ADAMTS12: variants seen among roughly 807,000 people sequenced by gnomAD.
ADAMTS12 encodes the protein ADAM metallopeptidase with thrombospondin type 1 motif 12.
Under a neutral mutation model 167.8 loss-of-function variants are expected in ADAMTS12, and 118 were observed. The ratio of observed to expected loss-of-function variants is 0.70; its 90% CI spans 0.61 to 0.82. The LOEUF (loss-of-function observed/expected upper bound fraction) is 0.82, where lower values mean the gene tolerates loss of function less well. Among genes scored for constraint, ADAMTS12 ranks in the 40% least tolerant of loss-of-function variants. The pLI, the probability that ADAMTS12 is intolerant of heterozygous loss-of-function variation, is 0.00. For synonymous variants in ADAMTS12, 704 were observed against 716.9 expected, an observed-to-expected ratio of 0.98 and a Z score of 0.29; for missense variants, 1,916 against 1,998.8, an observed-to-expected ratio of 0.96 and a Z score of 0.79.
At chr5:33,642,043 C>A in intron 10 of ADAMTS12, 88 bp from the exon 11 acceptor site, 1 of 1,334,564 alleles carries the variant, frequency 7.5e-7, no homozygotes, top group South Asian at 1.8e-5. Context: ...AAACCCAATT[C>A]TCTGCAAGCA....
At chr5:33,813,501 C>G (rs561788741) in intron 2 of ADAMTS12, among the ~76,000 whole-genome samples, 35 of 152,220 alleles carry the variant, frequency 2.3e-4, no homozygotes, top group African/African-American at 7.9e-4. Flanking sequence ...ATTTCTCCAC[C>G]CCGCTGAATC....
intron 1 of ADAMTS12, among the ~76,000 whole-genome samples, chr5:33,881,690 G>A (rs553072682): frequency 2.0e-5 from 3 of 150,580 alleles, no homozygotes; most frequent in African/African-American, 7.3e-5. Flanking sequence ...AGCCTCCTGA[G>A]TATCTGGGAT....
intron 2 of ADAMTS12, among the ~76,000 whole-genome samples, chr5:33,785,311 T>A (rs1268423414): frequency 6.6e-6 from 1 of 151,134 alleles, no homozygotes; most frequent in Non-Finnish European, 1.5e-5. Context: ...AAAAAAAAAA[T>A]GATAAATTGA....
At chr5:33,691,247 T>C (rs1561216943) in intron 3 of ADAMTS12, among the ~76,000 whole-genome samples, 1 of 152,220 alleles carries the variant, frequency 6.6e-6, no homozygotes, top group African/African-American at 2.4e-5. Flanking sequence ...GGAAATTTAG[T>C]ACATGTTTAC....
intron 3 of ADAMTS12, among the ~76,000 whole-genome samples, chr5:33,729,854 C>A (rs143685340): frequency 4.9e-4 from 75 of 152,316 alleles, no homozygotes; most frequent in African/African-American, 1.7e-3. Flanking sequence ...GGCTTTAGAG[C>A]AAGAGGGTTG....
At chr5:33,782,839 T>C (rs891946587) in intron 2 of ADAMTS12, among the ~76,000 whole-genome samples, 2 of 152,100 alleles carry the variant, frequency 1.3e-5, no homozygotes, top group African/African-American at 4.8e-5. Context: ...TATTGCTTCA[T>C]ATCTCAATAT....
Position 33,561,124 on chromosome 5 carries a change from T to C in ADAMTS12, c.4028A>G (p.Gln1343Arg). ...AYWRRVECST[Q>R]MDSDCAAIQR... ...GATGGCCGCACAGTCAGAATCCATC[T>C]GGGTGCTGCACTCCACCCTTCTCCA... The change falls in exon 20 of 24, where the codon CAG (glutamine) becomes CGG (arginine). Residue 1343 changes from glutamine (Q) to arginine (R), a missense_variant. By Grantham distance (43) the Gln-to-Arg change is conservative. Coordinates refer to ENST00000504830, the MANE Select transcript of ADAMTS12 (RefSeq NM_030955.4). The C allele has an allele frequency of 6.2e-7, 1 of 1,614,174 alleles. No homozygotes were observed. The highest frequency in any genetic ancestry group is 8.5e-7 in the Non-Finnish European group (1 of 1,180,004).
chr5:33,668,669 A>G (rs1487622327), intron 5 of ADAMTS12, among the ~76,000 whole-genome samples: 2 of 152,148 alleles, frequency 1.3e-5, no homozygotes, highest in African/African-American at 2.4e-5. Context: ...TTTTCGGTAG[A>G]GACGGGGTTT....
intron 2 of ADAMTS12, among the ~76,000 whole-genome samples, chr5:33,806,760 C>T (rs1305319089): frequency 3.9e-5 from 6 of 152,150 alleles, no homozygotes; most frequent in African/African-American, 7.2e-5. Flanking sequence ...TTTAAGAAAA[C>T]GAATACTGTC....
At chr5:33,571,866 A>G (rs1183937327) in intron 19 of ADAMTS12, among the ~76,000 whole-genome samples, 5 of 152,032 alleles carry the variant, frequency 3.3e-5, no homozygotes. Flanking sequence ...CTAATAAAGA[A>G]AAAAAGAGAG....
intron 6 of ADAMTS12, 110 bp downstream of exon 6, chr5:33,661,806 G>A: frequency 6.9e-7 from 1 of 1,457,552 alleles, no homozygotes. Context: ...GTCTTTACAA[G>A]AGCAGCAAAG....
chr5:33,872,472 G>C (rs1056202440), intron 2 of ADAMTS12, among the ~76,000 whole-genome samples: 2 of 151,898 alleles, frequency 1.3e-5, no homozygotes, highest in African/African-American at 4.8e-5. Flanking sequence ...GCTTGAACTC[G>C]GGAGGCAGAG....
chr5:33,593,534 GA>G (rs1747750626), intron 17 of ADAMTS12, among the ~76,000 whole-genome samples: 1 of 152,162 alleles, frequency 6.6e-6, no homozygotes. Context: ...AAACAGCTTG[GA>G]AAATAGTGCA....
At chr5:33,640,936 C>A (rs1740416036) in intron 11 of ADAMTS12, among the ~76,000 whole-genome samples, 1 of 150,708 alleles carries the variant, frequency 6.6e-6, no homozygotes, top group African/African-American at 2.4e-5. Flanking sequence ...GGATAAATAA[C>A]CTTTGGAATT....
At chr5:33,890,956 C>T (rs747929856) in intron 1 of ADAMTS12, among the ~76,000 whole-genome samples, 6 of 152,132 alleles carry the variant, frequency 3.9e-5, no homozygotes, top group Non-Finnish European at 7.4e-5. Context: ...GCTGCTAGGA[C>T]TGTTTACCCC....
chr5:33,853,090 G>C (rs1011105149), intron 2 of ADAMTS12, among the ~76,000 whole-genome samples: 1 of 152,166 alleles, frequency 6.6e-6, no homozygotes, highest in Non-Finnish European at 1.5e-5. Flanking sequence ...TCCCGGAACC[G>C]AGCAGGGAGC....
chr5:33,602,197 G>A (rs1269172262), intron 16 of ADAMTS12, among the ~76,000 whole-genome samples: 1 of 152,188 alleles, frequency 6.6e-6, no homozygotes, highest in African/African-American at 2.4e-5. Flanking sequence ...AATAAGGGCA[G>A]GATAAATCTC....
At chr5:33,591,112 G>A (rs1448750534) in intron 17 of ADAMTS12, among the ~76,000 whole-genome samples, 8 of 141,694 alleles carry the variant, frequency 5.6e-5, no homozygotes, top group African/African-American at 2.1e-4. Flanking sequence ...GTGTATGTGT[G>A]TGCCTATGTT....
chr5:33,643,658 A>T (rs1269908493), intron 9 of ADAMTS12, among the ~76,000 whole-genome samples, 188 bp from the exon 10 acceptor site: 1 of 152,252 alleles, frequency 6.6e-6, no homozygotes, highest in East Asian at 1.9e-4. Context: ...GTCATCATTC[A>T]TAAACAATGG....
Sources: gnomAD v4.1 joint callset for allele counts (sites outside exome capture counted in the v4.1 genomes callset) on GRCh38, gnomAD v4.1.1 for gene constraint, MANE v1.5 for transcripts, NCBI Gene and HGNC (gene_info 2026-07-23, HGNC 2026-07-21) for gene names.